The following RIT2 variants were observed in gnomAD, a reference collection of about 807,000 sequenced individuals.
The protein encoded by RIT2 is Ras like without CAAX 2.
Under a neutral mutation model 23.7 loss-of-function variants are expected in RIT2, and 24 were observed. The ratio of observed to expected loss-of-function variants is 1.01; its 90% CI spans 0.73 to 1.43. The LOEUF is 1.43. Ranked by LOEUF, RIT2 falls within the 40% of genes most tolerant of loss-of-function variation. RIT2 has a pLI of 0.00. For missense variants in RIT2, 236 were observed against 266.9 expected (o/e 0.88, Z 0.81); for synonymous variants, 107 against 91.1 (o/e 1.17, Z -0.99).
At chr18:42,803,064 T>C (rs1170258894) in intron 4 of RIT2, among the ~76,000 whole-genome samples, 1 of 152,182 alleles carries the variant, frequency 6.6e-6, no homozygotes, top group Non-Finnish European at 1.5e-5. Flanking sequence ...GTGTCACTCA[T>C]TCCTTCATTC....
At chr18:42,901,234 A>G (rs1908468651) in intron 4 of RIT2, among the ~76,000 whole-genome samples, 1 of 152,050 alleles carries the variant, frequency 6.6e-6, no homozygotes, top group African/African-American at 2.4e-5. Context: ...AATGGGAAGG[A>G]TGCATAAAGC....
chr18:43,094,130 T>TTG (rs1555657844), intron 1 of RIT2, among the ~76,000 whole-genome samples: 6 of 132,072 alleles, frequency 4.5e-5, no homozygotes, highest in Non-Finnish European at 8.2e-5. Context: ...TTTGTTTTTT[T>TTG]TTTTTTTTTT....
chr18:42,771,756 T>C (rs1195578769), intron 4 of RIT2, among the ~76,000 whole-genome samples: 1 of 152,178 alleles, frequency 6.6e-6, no homozygotes, highest in Non-Finnish European at 1.5e-5. Context: ...AGCAGAGTTT[T>C]GTGCTTATTG....
chr18:42,758,129 C>T (rs185508034), intron 4 of RIT2, among the ~76,000 whole-genome samples: 187 of 151,638 alleles, frequency 1.2e-3, no homozygotes, highest in Non-Finnish European at 1.6e-4. Flanking sequence ...TTTTTAGTGC[C>T]CAGTTCATTT....
At chr18:42,796,545 A>G (rs1265711179) in intron 4 of RIT2, among the ~76,000 whole-genome samples, 1 of 152,160 alleles carries the variant, frequency 6.6e-6, no homozygotes, top group Admixed American at 6.5e-5. Flanking sequence ...CATTCCTATG[A>G]GATGGACAGA....
rs956457652 is a variant in RIT2, at chr18:42,795,536, C to G, written c.427-51816G>C. 3.9e-5 allele frequency among the ~76,000 whole-genome samples: 6 copies of G among 152,216 alleles called. No individual in the cohort carries two copies. The South Asian group carries it at 8.3e-4, about 21-fold the overall frequency. On this transcript the variant is annotated intron_variant, in intron 4 of 4. Transcript: ENST00000326695. ...CCCACCCCCTCCATGGGCTCCTGTG[C>G]GCCTGAGCCTCCCGGATGAGCGCAG...
At chr18:42,954,324 C>T (rs1335678394) in intron 3 of RIT2, among the ~76,000 whole-genome samples, 1 of 145,598 alleles carries the variant, frequency 6.9e-6, no homozygotes, top group African/African-American at 2.6e-5. Context: ...TGCAGTGATC[C>T]GAGACTGCTC....
intron 1 of RIT2, among the ~76,000 whole-genome samples, chr18:43,067,863 C>G (rs1393707357): frequency 1.3e-5 from 2 of 151,982 alleles, no homozygotes; most frequent in Admixed American, 6.6e-5. Flanking sequence ...TTGGGGTGCC[C>G]CTAGCTGACA....
chr18:43,015,369 A>G (rs1043506335), intron 2 of RIT2, among the ~76,000 whole-genome samples: 5 of 151,706 alleles, frequency 3.3e-5, no homozygotes, highest in Admixed American at 6.6e-5. Flanking sequence ...CAAGAGGAAC[A>G]ATTTGGATAG....
At chr18:43,101,093 C>T (rs1295055967) in intron 1 of RIT2, among the ~76,000 whole-genome samples, 2 of 151,846 alleles carry the variant, frequency 1.3e-5, no homozygotes, top group African/African-American at 4.8e-5. Flanking sequence ...TAACACGATT[C>T]ACTTATAGTA....
intron 2 of RIT2, among the ~76,000 whole-genome samples, chr18:43,012,105 T>C (rs1482449042): frequency 6.6e-6 from 1 of 151,796 alleles, no homozygotes; most frequent in South Asian, 2.1e-4. Context: ...AACATAATTG[T>C]GAAAGGGGTT....
At chr18:43,072,020 C>T (rs1420117375) in intron 1 of RIT2, among the ~76,000 whole-genome samples, 1 of 152,096 alleles carries the variant, frequency 6.6e-6, no homozygotes, top group Non-Finnish European at 1.5e-5. Context: ...GAGTCTCACT[C>T]TGTCTCCCAG....
At chr18:42,997,791 C>T (rs1395455020) in intron 2 of RIT2, among the ~76,000 whole-genome samples, 2 of 152,070 alleles carry the variant, frequency 1.3e-5, no homozygotes, top group South Asian at 2.1e-4. Context: ...AAGGTGTTCC[C>T]ACCAACACTT....
rs575930160 is a variant in RIT2 at position 43,067,804 on chromosome 18, TCTGACCC to T, written c.104-33944_104-33938del. Among the ~76,000 whole-genome samples the T allele has an allele frequency of 2.5e-3, 379 of 152,228 alleles. 1 individual carries two copies. The highest frequency in any genetic ancestry group is 8.2e-3 in the African/African-American group (341 of 41,540). ...AGGGAGGAAGGCATAATGAGGTATG[TCTGACCC>T]CTTGTTACTCTCATGACCGGAACCA... On this transcript the variant is annotated intron_variant, in intron 1 of 4. Coordinates refer to ENST00000326695, the MANE Select transcript of RIT2 (RefSeq NM_002930.4).
chr18:42,855,082 A>G lies in RIT2; in HGVS notation c.426+68490T>C, dbSNP rs185449224. 5.3e-5 allele frequency among the ~76,000 whole-genome samples: 8 copies of G among 152,350 alleles called. No individual in the cohort carries two copies. In the East Asian group the frequency reaches 1.2e-3, roughly 22 times the overall value. On this transcript the variant is annotated intron_variant, in intron 4 of 4. Coordinates refer to ENST00000326695, the MANE Select transcript of RIT2 (RefSeq NM_002930.4). ...AATTTTCTAAATCAGGTGGGAAATC[A>G]GTCATCAGAATTATATATTATAAGT...
At chr18:43,007,550 G>T (rs964965661) in intron 2 of RIT2, among the ~76,000 whole-genome samples, 3 of 151,552 alleles carry the variant, frequency 2.0e-5, no homozygotes, top group Admixed American at 6.6e-5. Flanking sequence ...GAAGAGCCAA[G>T]AACATATTTT....
intron 1 of RIT2, among the ~76,000 whole-genome samples, chr18:43,051,427 G>A (rs1912380940): frequency 6.6e-6 from 1 of 152,030 alleles, no homozygotes; most frequent in Non-Finnish European, 1.5e-5. Context: ...CTGGGTGGAT[G>A]GGATGGTGAC....
intron 4 of RIT2, among the ~76,000 whole-genome samples, chr18:42,903,490 AT>A (rs1204030206): frequency 6.6e-6 from 1 of 152,102 alleles, no homozygotes; most frequent in East Asian, 1.9e-4. Context: ...GTATAAATGC[AT>A]TTTTTAGTTT....
intron 2 of RIT2, among the ~76,000 whole-genome samples, chr18:42,984,476 G>A (rs1910664777): frequency 6.6e-6 from 1 of 151,984 alleles, no homozygotes; most frequent in Non-Finnish European, 1.5e-5. Context: ...TCTGTGTTTT[G>A]ACTATCAATA....
Sources: allele counts gnomAD v4.1 joint callset (sites outside exome capture counted in the v4.1 genomes callset), GRCh38; gene constraint gnomAD v4.1.1; transcripts MANE v1.5; gene names NCBI Gene and HGNC (gene_info 2026-07-23, HGNC 2026-07-21).